Variants in NEXMIF observed in about 807,000 individuals in gnomAD.
The protein encoded by NEXMIF is XLMR protein related to neurite extension.
NEXMIF carries 8 observed loss-of-function variants against 62.1 expected under a neutral mutation model. That is an observed-to-expected ratio of 0.13 (90% CI 0.08 to 0.23). NEXMIF has a LOEUF of 0.23. NEXMIF is among the 10% of genes least tolerant of loss of function. The pLI is 1.00. For synonymous variants in NEXMIF, 404 were observed against 416.6 expected, an observed-to-expected ratio of 0.97 and a Z score of 0.37; for missense variants, 976 against 1,113.3, an observed-to-expected ratio of 0.88 and a Z score of 1.75.
chrX:74,886,997 G>T (rs140846115), intron 1 of NEXMIF, among the ~76,000 whole-genome samples: 5,103 of 111,253 alleles, frequency 0.046, 142 homozygotes, highest in Non-Finnish European at 0.074. Context: ...ATAATGCCGC[G>T]TATGTACAAC....
chrX:74,789,427 A>G (rs1269531273), intron 1 of NEXMIF, among the ~76,000 whole-genome samples: 4 of 109,142 alleles, frequency 3.7e-5, no homozygotes, highest in East Asian at 5.8e-4. Flanking sequence ...TAATGCTGCA[A>G]TAAACATATG....
intron 1 of NEXMIF, among the ~76,000 whole-genome samples, chrX:74,882,951 C>G (rs946884455): frequency 9.0e-6 from 1 of 111,208 alleles, no homozygotes; most frequent in African/African-American, 3.3e-5. Flanking sequence ...GACAAAACTT[C>G]CAGAGGAATG....
intron 1 of NEXMIF, among the ~76,000 whole-genome samples, chrX:74,779,325 C>T (rs1166816304): frequency 3.6e-5 from 4 of 111,526 alleles, no homozygotes; most frequent in Non-Finnish European, 7.5e-5. Context: ...ATGACTACGA[C>T]CACATCTTAC....
chrX:74,793,659 G>T (rs1184743642), intron 1 of NEXMIF, among the ~76,000 whole-genome samples: 1 of 107,312 alleles, frequency 9.3e-6, no homozygotes, highest in Non-Finnish European at 1.9e-5. Flanking sequence ...ATATTTCTTG[G>T]AGGCTTTGCT....
intron 1 of NEXMIF, among the ~76,000 whole-genome samples, chrX:74,838,010 C>T (rs1382383251): frequency 1.8e-5 from 2 of 111,456 alleles, no homozygotes; most frequent in Non-Finnish European, 3.8e-5. Flanking sequence ...ACATAGTGCC[C>T]ATTGTGGATG....
At chrX:74,905,165 C>T (rs1247254323) in intron 1 of NEXMIF, among the ~76,000 whole-genome samples, 3 of 111,599 alleles carry the variant, frequency 2.7e-5, no homozygotes, top group Non-Finnish European at 5.6e-5. Flanking sequence ...AATTCCAAAA[C>T]AAGATATTGG....
intron 1 of NEXMIF, among the ~76,000 whole-genome samples, chrX:74,796,485 A>T (rs1311133767): frequency 9.4e-6 from 1 of 105,896 alleles, no homozygotes; most frequent in East Asian, 2.9e-4. Context: ...TTCCAATAAA[A>T]GGAACCAGAG....
chrX:74,883,950 T>G (rs757831923), intron 1 of NEXMIF, among the ~76,000 whole-genome samples: 40 of 112,397 alleles, frequency 3.6e-4, no homozygotes, highest in East Asian at 1.1e-3. Context: ...CGGATCTCTC[T>G]GCAGAAAATC....
intron 1 of NEXMIF, among the ~76,000 whole-genome samples, chrX:74,893,696 T>G (rs1014626991): frequency 8.9e-6 from 1 of 111,969 alleles, no homozygotes; most frequent in Non-Finnish European, 1.9e-5. Context: ...AGTGCATGGA[T>G]GATGTGGAAG....
rs2080083891 is a variant in NEXMIF, at chrX:74,735,885, C to G, written c.*3520G>C. The G allele has an allele frequency of 9.0e-6, 1 of 111,636 alleles. No homozygotes were observed. Among genetic ancestry groups the G allele is most frequent in the South Asian group, 3.8e-4 (1 of 2,609 alleles). 9.2% of individuals were successfully genotyped at this position (111,636 alleles called of 1,213,427 possible). ...CAGTTATCACAGCCCAAACATGACC[C>G]CCAAAGTCTCAATACCCTTCTCCAT... On this transcript the variant is annotated 3_prime_UTR_variant, in exon 4 of 4. Coordinates refer to ENST00000055682, the MANE Select transcript of NEXMIF (RefSeq NM_001008537.3).
intron 1 of NEXMIF, among the ~76,000 whole-genome samples, chrX:74,880,482 C>T (rs934590888): frequency 9.0e-6 from 1 of 111,558 alleles, no homozygotes; most frequent in Admixed American, 9.5e-5. Flanking sequence ...CAGAGCCCCA[C>T]CCCTACATTA....
intron 1 of NEXMIF, among the ~76,000 whole-genome samples, chrX:74,921,599 A>G (rs1271436024): frequency 9.0e-6 from 1 of 111,554 alleles, no homozygotes; most frequent in East Asian, 2.8e-4. Context: ...GCCCTGGAGA[A>G]GTGCCATAGA....
At chrX:74,875,111 T>A (rs949496867) in intron 1 of NEXMIF, among the ~76,000 whole-genome samples, 3 of 111,825 alleles carry the variant, frequency 2.7e-5, no homozygotes, top group Non-Finnish European at 5.6e-5. Context: ...GTCCCTTCAG[T>A]ATGATATTGG....
intron 1 of NEXMIF, among the ~76,000 whole-genome samples, chrX:74,793,083 C>T (rs2080291427): frequency 9.0e-6 from 1 of 110,607 alleles, no homozygotes; most frequent in Admixed American, 9.6e-5. Flanking sequence ...ATGGTCTTTA[C>T]ATTTTGGCAT....
intron 1 of NEXMIF, among the ~76,000 whole-genome samples, chrX:74,772,682 G>A (rs1158783706): frequency 7.1e-5 from 8 of 112,363 alleles, no homozygotes; most frequent in Non-Finnish European, 1.9e-5. Flanking sequence ...AGCAGACCTT[G>A]ATATGATATC....
chrX:74,878,472 G>A (rs894833662), intron 1 of NEXMIF, among the ~76,000 whole-genome samples: 4 of 112,818 alleles, frequency 3.5e-5, no homozygotes, highest in Admixed American at 9.3e-5. Context: ...CAGAGGTGGA[G>A]CCTACAGAGG....
At chrX:74,892,528 A>C (rs2080721030) in intron 1 of NEXMIF, among the ~76,000 whole-genome samples, 3 of 112,266 alleles carry the variant, frequency 2.7e-5, no homozygotes, top group South Asian at 7.4e-4. Context: ...TGTCAGTCTG[A>C]AAGGTTTCAC....
At chrX:74,892,660 A>G (rs2080721496) in intron 1 of NEXMIF, among the ~76,000 whole-genome samples, 1 of 112,366 alleles carries the variant, frequency 8.9e-6, no homozygotes, top group Non-Finnish European at 1.9e-5. Flanking sequence ...TTCATTTTCC[A>G]ACATCAGCCA....
chrX:74,900,794 A>C (rs2080747209), intron 1 of NEXMIF, among the ~76,000 whole-genome samples: 1 of 112,536 alleles, frequency 8.9e-6, no homozygotes, highest in Non-Finnish European at 1.9e-5. Context: ...AATGTGGTAT[A>C]TATGCACAAT....
Sources: gnomAD v4.1 joint callset for allele counts (sites outside exome capture counted in the v4.1 genomes callset) on GRCh38, gnomAD v4.1.1 for gene constraint, MANE v1.5 for transcripts, NCBI Gene and HGNC (gene_info 2026-07-23, HGNC 2026-07-21) for gene names.